STIM2: variants seen among roughly 807,000 people sequenced by gnomAD.
STIM2 encodes the protein stromal interaction molecule 2.
Under a neutral mutation model 85.8 loss-of-function variants are expected in STIM2, and 31 were observed. The ratio of observed to expected loss-of-function variants is 0.36; its 90% CI spans 0.27 to 0.49. The LOEUF is 0.49. Among genes scored for constraint, STIM2 ranks in the 20% least tolerant of loss-of-function variants. The probability of loss-of-function intolerance (pLI) is 0.98; values close to 1 mark genes in which losing one functional copy is unlikely to be tolerated. For missense variants in STIM2, 841 were observed against 927.6 expected, an observed-to-expected ratio of 0.91 and a Z score of 1.21; for synonymous variants, 356 against 331.1, an observed-to-expected ratio of 1.08 and a Z score of -0.82.
At chr4:26,987,721 G>A (rs1237418202) in intron 3 of STIM2, among the ~76,000 whole-genome samples, 1 of 152,190 alleles carries the variant, frequency 6.6e-6, no homozygotes, top group African/African-American at 2.4e-5. Context: ...CTCCCTCCAG[G>A]CCTTTAGTAG....
At chr4:27,009,137 T>C in intron 10 of STIM2, 135 bp downstream of exon 10, 1 of 671,222 alleles carries the variant, frequency 1.5e-6, no homozygotes, top group Non-Finnish European at 2.5e-6. Flanking sequence ...TTCTTTTTGT[T>C]AGTAATTTAA....
rs4536909 is a variant in STIM2 at position 26,918,261 on chromosome 4, T to G, written c.152-1243T>G. Among the ~76,000 whole-genome samples the G allele has an allele frequency of 3.0e-3, 459 of 151,312 alleles. 2 individuals are homozygous for G. The highest frequency in any genetic ancestry group is 0.014 in the Middle Eastern group (4 of 292). ...TTTTTTTTTTTAGAAAATAAAATTA[T>G]CTGTGGGCCTCAAATATTGGCTTCT... On this transcript the variant is annotated intron_variant, in intron 1 of 11. Transcript: ENST00000467087.
intron 7 of STIM2, among the ~76,000 whole-genome samples, chr4:27,006,048 T>G (rs1728322111): frequency 6.6e-6 from 1 of 152,178 alleles, no homozygotes; most frequent in South Asian, 2.1e-4. Flanking sequence ...CCTGAGAGAT[T>G]AGCAGGGACG....
chr4:26,995,259 A>T lies in STIM2; in HGVS notation c.398-120A>T, dbSNP rs140794308. 656 of 532,150 alleles carry T rather than the reference A, an allele frequency of 1.2e-3. 3 individuals are homozygous for T. The highest frequency in any genetic ancestry group is 0.01 in the African/African-American group (519 of 50,344). 33.0% of individuals were successfully genotyped at this position (532,150 alleles called of 1,614,324 possible). A position where few individuals can be genotyped will look rare whatever the true frequency, so the allele number is the denominator to read the frequency against. ...ATAGAGTGCTAGATACAGTTTTGGT[A>T]CTTAATGTTGATTAAATTGAAAATG... On this transcript the variant is annotated intron_variant, in intron 3 of 11. Transcript: ENST00000467087.
intron 8 of STIM2, chr4:27,007,961 A>G (rs1398333168): frequency 1.4e-6 from 1 of 722,896 alleles, no homozygotes; most frequent in Non-Finnish European, 2.6e-6. Context: ...TAAAAGTTTT[A>G]TACAGAGCTT....
Position 27,023,832 on chromosome 4 carries a change from T to C in STIM2, c.*836T>C, listed in dbSNP as rs550217522. ...AACTTGATTGAAGGACTTAAAACATTCACAACCTTAAGCCGAGGTGGGGGG... is the reference window on the plus strand; with the variant it reads ...AACTTGATTGAAGGACTTAAAACATCCACAACCTTAAGCCGAGGTGGGGGG... On this transcript the variant is annotated 3_prime_UTR_variant, in exon 12 of 12. Coordinates refer to ENST00000467087, the MANE Select transcript of STIM2 (RefSeq NM_020860.4). The C allele has an allele frequency of 6.5e-6, 1 of 152,738 alleles. No homozygotes were observed. The highest frequency in any genetic ancestry group is 6.5e-5 in the Admixed American group (1 of 15,306). The allele number at this position is 152,738 out of a possible 1,614,324, so 9.5% of individuals were successfully genotyped here.
At position 26,934,237 on chromosome 4, in the gene STIM2, G is replaced by T. The variant is rs142696601; in HGVS notation, c.282+14603G>T. Among the ~76,000 whole-genome samples, 11 of 152,114 alleles carry T rather than the reference G, an allele frequency of 7.2e-5. No homozygotes were observed. In the East Asian group the frequency reaches 2.1e-3, roughly 29 times the overall value. ...CCACAAAAATATAGATTAAAAAAAT[G>T]AGATAAAATTAAATGTAAATGTAAA... On this transcript the variant is annotated intron_variant, in intron 2 of 11. Transcript: ENST00000467087.
At chr4:26,988,995 C>T (rs1004104735) in intron 3 of STIM2, among the ~76,000 whole-genome samples, 13 of 152,124 alleles carry the variant, frequency 8.5e-5, no homozygotes, top group African/African-American at 2.2e-4. Flanking sequence ...GGTACAGTAG[C>T]GCAGTCTTGG....
intron 4 of STIM2, among the ~76,000 whole-genome samples, chr4:26,996,085 G>T (rs1450756267): frequency 6.6e-6 from 1 of 151,860 alleles, no homozygotes. Flanking sequence ...TAAACATTTT[G>T]CCCAAGGCAG....
intron 1 of STIM2, among the ~76,000 whole-genome samples, chr4:26,905,395 A>C (rs964536033): frequency 1.3e-5 from 2 of 152,200 alleles, no homozygotes; most frequent in African/African-American, 2.4e-5. Flanking sequence ...GAAAGGAAGC[A>C]AGAGAGGACA....
intron 2 of STIM2, among the ~76,000 whole-genome samples, chr4:26,930,539 T>C (rs376598765): frequency 6.6e-6 from 1 of 152,298 alleles, no homozygotes; most frequent in African/African-American, 2.4e-5. Flanking sequence ...GACCTACTTA[T>C]CTGAAAAGTC....
At chr4:26,983,252 T>C (rs563158701) in intron 3 of STIM2, among the ~76,000 whole-genome samples, 1 of 152,360 alleles carries the variant, frequency 6.6e-6, no homozygotes, top group Admixed American at 6.5e-5. Flanking sequence ...CATTTTGCCT[T>C]TCTCATATGA....
chr4:27,019,902 T>C (rs1414002855), intron 11 of STIM2, among the ~76,000 whole-genome samples: 1 of 152,226 alleles, frequency 6.6e-6, no homozygotes, highest in Non-Finnish European at 1.5e-5. Flanking sequence ...TTTGAACTTG[T>C]ATTATGTCTT....
intron 1 of STIM2, among the ~76,000 whole-genome samples, chr4:26,887,799 TTAAAA>T (rs1190097732): frequency 6.6e-6 from 1 of 152,266 alleles, no homozygotes; most frequent in East Asian, 1.9e-4. Context: ...AAGATGTAAC[TTAAAA>T]TAATTAATTG....
chr4:27,010,841 A>G (rs993753348), intron 10 of STIM2, among the ~76,000 whole-genome samples: 2 of 152,230 alleles, frequency 1.3e-5, no homozygotes, highest in African/African-American at 2.4e-5. Flanking sequence ...GAAAATATCA[A>G]TGGTTAGCTC....
intron 2 of STIM2, among the ~76,000 whole-genome samples, chr4:26,956,970 C>G (rs1443100241): frequency 1.3e-5 from 2 of 152,084 alleles, no homozygotes; most frequent in African/African-American, 4.8e-5. Flanking sequence ...AGGTAAATGA[C>G]TTTCTCTGTA....
chr4:26,911,841 G>A (rs1485490370), intron 1 of STIM2, among the ~76,000 whole-genome samples: 2 of 152,054 alleles, frequency 1.3e-5, no homozygotes, highest in Admixed American at 6.6e-5. Flanking sequence ...TATTATTTAT[G>A]CATTACTCTT....
intron 2 of STIM2, among the ~76,000 whole-genome samples, chr4:26,951,670 C>T (rs1258551897): frequency 6.6e-6 from 1 of 152,018 alleles, no homozygotes; most frequent in Non-Finnish European, 1.5e-5. Context: ...TAAAGTTTAG[C>T]AAATAAAACA....
chr4:26,891,920 G>A (rs947973346), intron 1 of STIM2, among the ~76,000 whole-genome samples: 64 of 152,294 alleles, frequency 4.2e-4, no homozygotes, highest in African/African-American at 1.5e-3. Flanking sequence ...TAATTCCTAT[G>A]TGTTGTGCGA....
Sources: gnomAD v4.1 joint callset for allele counts (sites outside exome capture counted in the v4.1 genomes callset) on GRCh38, gnomAD v4.1.1 for gene constraint, MANE v1.5 for transcripts, NCBI Gene and HGNC (gene_info 2026-07-23, HGNC 2026-07-21) for gene names.